Variants in CFAP54 observed in about 807,000 individuals in gnomAD.
CFAP54 encodes the protein cilia and flagella associated protein 54, also known as cilia- and flagella-associated protein 54.
In CFAP54, 290 loss-of-function variants were observed where a neutral mutation model predicts 370.4. The ratio of observed to expected loss-of-function variants is 0.78; its 90% CI spans 0.71 to 0.86. The LOEUF (loss-of-function observed/expected upper bound fraction) is 0.86. CFAP54 is among the 40% of genes least tolerant of loss of function. The pLI, the probability that CFAP54 is intolerant of heterozygous loss-of-function variation, is 0.00. For synonymous variants in CFAP54, 1,206 were observed against 1,236.5 expected (o/e 0.98, Z 0.52); for missense variants, 3,399 against 3,528.7 (o/e 0.96, Z 0.93).
intron 66 of CFAP54, among the ~76,000 whole-genome samples, chr12:96,846,614 T>C (rs1959354309): frequency 6.6e-6 from 1 of 152,214 alleles, no homozygotes; most frequent in South Asian, 2.1e-4. Context: ...CTTAAGGGTC[T>C]CCTTTGGTCG....
At chr12:96,869,813 T>A (rs746128246) in intron 67 of CFAP54, among the ~76,000 whole-genome samples, 2 of 150,988 alleles carry the variant, frequency 1.3e-5, no homozygotes, top group Non-Finnish European at 2.9e-5. Flanking sequence ...TGCATGCCTG[T>A]AATCCCAGCT....
chr12:96,615,299 T>G (rs1407168377), intron 26 of CFAP54, among the ~76,000 whole-genome samples: 17 of 152,136 alleles, frequency 1.1e-4, no homozygotes, highest in Admixed American at 2.0e-4. Flanking sequence ...TGGGAAAACT[T>G]GCTAGCCATA....
chr12:96,595,760 G>A (rs1454486007), intron 25 of CFAP54, among the ~76,000 whole-genome samples: 2 of 152,110 alleles, frequency 1.3e-5, no homozygotes, highest in Non-Finnish European at 2.9e-5. Context: ...CAAGTGTGGA[G>A]TATGGTTCAT....
chr12:96,638,204 C>CATATATATATATATATAT (rs1491263304), intron 32 of CFAP54, among the ~76,000 whole-genome samples: 2 of 72,050 alleles, frequency 2.8e-5, no homozygotes, highest in African/African-American at 9.6e-5. Flanking sequence ...TATATATATG[C>CATATATATATATATATAT]ATGTGTGTGT....
At chr12:96,654,664 CACTT>C (rs952142840) in intron 36 of CFAP54, among the ~76,000 whole-genome samples, 5 of 152,166 alleles carry the variant, frequency 3.3e-5, no homozygotes, top group South Asian at 4.2e-4. Context: ...TTAACTCACT[CACTT>C]GTCTTCATCC....
rs145565008 is a variant in CFAP54 at position 96,658,104 on chromosome 12, C to T, written c.5323C>T (p.His1775Tyr). Residue 1775 changes from histidine to tyrosine, a missense_variant and splice_region_variant, in exon 37 of 68, where the codon CAT (histidine) becomes TAT (tyrosine). This residue lies in a region of CFAP54 where 2,796 missense variants were observed against 2,869.7 expected (regional missense o/e 0.97). Coordinates refer to ENST00000524981, the MANE Select transcript of CFAP54 (RefSeq NM_001306084.2). The part of the protein sequence containing the change: ...SLAIQFNTVS[H>Y]ERYTEQVTPL... ...TGCCATTCAGTTCAATACAGTTTCACAGTAAGTACTGCTGTAAGGGCAATT... is the reference window on the plus strand; with the variant it reads ...TGCCATTCAGTTCAATACAGTTTCATAGTAAGTACTGCTGTAAGGGCAATT... The T allele has an allele frequency of 1.2e-6, 2 of 1,607,462 alleles. No individual in the cohort carries two copies. Among genetic ancestry groups the T allele is most frequent in the Non-Finnish European group, 1.7e-6 (2 of 1,176,206 alleles).
chr12:96,653,247 C>T (rs1157781879), intron 36 of CFAP54, among the ~76,000 whole-genome samples: 2 of 152,254 alleles, frequency 1.3e-5, no homozygotes, highest in Middle Eastern at 3.4e-3. Context: ...TATGGAAACC[C>T]CTGAATTTAT....
chr12:96,534,500 G>C (rs1955481049), intron 11 of CFAP54, among the ~76,000 whole-genome samples: 1 of 152,144 alleles, frequency 6.6e-6, no homozygotes, highest in Non-Finnish European at 1.5e-5. Flanking sequence ...TTTTGAGTAG[G>C]GGAATGAGGT....
chr12:96,837,504 T>A (rs2136769736), intron 66 of CFAP54, among the ~76,000 whole-genome samples: 1 of 152,378 alleles, frequency 6.6e-6, no homozygotes, highest in African/African-American at 2.4e-5. Flanking sequence ...TGTGTTATTA[T>A]GATGTGCTTG....
In CFAP54 at chr12:96,644,276, G is replaced by T; in HGVS notation, c.4415G>T (p.Arg1472Leu). ...LSYVKRKRFH[R>L]LSLEEMPWRA... Reference sequence around the variant, plus strand: ...TATGTTAAAAGAAAGAGGTTCCATCGTCTATCACTTGAAGAGATGCCCTGG... The same window carrying T: ...TATGTTAAAAGAAAGAGGTTCCATCTTCTATCACTTGAAGAGATGCCCTGG... The change falls in exon 33 of 68, where the codon CGT becomes CTT. Residue 1472 changes from arginine (R) to leucine (L), a missense_variant. Around this residue, in one of 3 missense-constraint regions of CFAP54, gnomAD observed 2,796 missense variants for 2,869.7 expected, o/e 0.97. Transcript: ENST00000524981. 2 of 1,535,606 alleles carry T rather than the reference G, an allele frequency of 1.3e-6. No homozygotes were observed. The highest frequency in any genetic ancestry group is 1.4e-5 in the African/African-American group (1 of 73,110).
Position 96,828,939 on chromosome 12 carries a change from G to A in CFAP54, c.9097-75G>A, listed in dbSNP as rs1214313627. The A allele has an allele frequency of 8.1e-6, 6 of 737,886 alleles. No homozygotes were observed. The Admixed American group carries it at 1.0e-4, about 13-fold the overall frequency. 45.7% of individuals were successfully genotyped at this position (737,886 alleles called of 1,614,324 possible). A position where few individuals can be genotyped will look rare whatever the true frequency, so the allele number is the denominator to read the frequency against. ...TGATCAAGAAAAGACAAATGAAATA[G>A]TTTATAATTAAATAGGTAATATTTA... On this transcript the variant is annotated intron_variant, in intron 65 of 67. Coordinates refer to ENST00000524981, the MANE Select transcript of CFAP54 (RefSeq NM_001306084.2).
intron 32 of CFAP54, among the ~76,000 whole-genome samples, chr12:96,638,549 A>G (rs1186475547): frequency 6.6e-6 from 1 of 151,922 alleles, no homozygotes; most frequent in Non-Finnish European, 1.5e-5. Flanking sequence ...GCATCCTACA[A>G]TTTTTACTAA....
In CFAP54 at chr12:96,630,156, A is replaced by G; in HGVS notation, c.4167A>G (p.Lys1389=). The G allele has an allele frequency of 1.3e-6, 2 of 1,506,554 alleles. No homozygotes were observed. The highest frequency in any genetic ancestry group is 1.8e-6 in the Non-Finnish European group (2 of 1,122,984). 93.3% of individuals were successfully genotyped at this position (1,506,554 alleles called of 1,614,324 possible). The change falls in exon 31 of 68, where the codon AAA becomes AAG. Residue 1389 remains lysine, a synonymous_variant. Coordinates refer to ENST00000524981, the MANE Select transcript of CFAP54 (RefSeq NM_001306084.2). The part of the protein sequence containing the change: ...VKYKDSALNK[K]ANKSLKFKAA... ...ATAAGGATAGTGCTTTGAATAAAAAAGCAAACAAATCTTTAAAGTTCAAAG... is the reference window on the plus strand; with the variant it reads ...ATAAGGATAGTGCTTTGAATAAAAAGGCAAACAAATCTTTAAAGTTCAAAG...
chr12:96,790,628 A>G (rs1958681499), intron 62 of CFAP54, among the ~76,000 whole-genome samples: 1 of 150,776 alleles, frequency 6.6e-6, no homozygotes, highest in African/African-American at 2.4e-5. Context: ...TCAGATATGA[A>G]GAAATTTAAG....
chr12:96,600,201 T>C (rs993686699), intron 26 of CFAP54, among the ~76,000 whole-genome samples: 1 of 152,240 alleles, frequency 6.6e-6, no homozygotes, highest in Non-Finnish European at 1.5e-5. Context: ...GAATCCAGTT[T>C]CAGCTTTCTA....
At chr12:96,819,734 T>G (rs532172563) in intron 65 of CFAP54, among the ~76,000 whole-genome samples, 1 of 152,226 alleles carries the variant, frequency 6.6e-6, no homozygotes, top group Non-Finnish European at 1.5e-5. Context: ...CTTTATATTT[T>G]CTCAGTCATT....
At chr12:96,869,079 T>G (rs1960082361) in intron 67 of CFAP54, among the ~76,000 whole-genome samples, 1 of 152,224 alleles carries the variant, frequency 6.6e-6, no homozygotes, top group African/African-American at 2.4e-5. Flanking sequence ...TTTCAAGGAT[T>G]TGTCATTTAT....
chr12:96,590,700 A>G (rs996841065), intron 23 of CFAP54, among the ~76,000 whole-genome samples: 2 of 152,188 alleles, frequency 1.3e-5, no homozygotes, highest in African/African-American at 4.8e-5. Flanking sequence ...ATAAGAGAGA[A>G]AGGAGTGAAA....
At chr12:96,602,900 C>G (rs1218617820) in intron 26 of CFAP54, among the ~76,000 whole-genome samples, 1 of 152,120 alleles carries the variant, frequency 6.6e-6, no homozygotes, top group Non-Finnish European at 1.5e-5. Context: ...TGGGTCTTGA[C>G]CCTTTATCCA....
Sources: allele counts gnomAD v4.1 joint callset (sites outside exome capture counted in the v4.1 genomes callset), GRCh38; gene constraint gnomAD v4.1.1; regional missense constraint gnomAD v4.1.1; transcripts MANE v1.5; gene names NCBI Gene and HGNC (gene_info 2026-07-23, HGNC 2026-07-21).